The following ANKRD42 variants were observed in gnomAD, a reference collection of about 807,000 sequenced individuals.
ANKRD42 encodes ankyrin repeat domain 42.
ANKRD42 carries 43 observed loss-of-function variants against 51.5 expected under a neutral mutation model. The ratio of observed to expected loss-of-function variants is 0.83; its 90% confidence interval spans 0.65 to 1.08. ANKRD42 has a LOEUF of 1.08. ANKRD42 is among the 50% of genes least tolerant of loss of function. The pLI, the probability that ANKRD42 is intolerant of heterozygous loss-of-function variation, is 0.00. For synonymous variants in ANKRD42, 203 were observed against 213.0 expected (o/e 0.95, Z 0.41); for missense variants, 608 against 629.3 (o/e 0.97, Z 0.36).
intron 4 of ANKRD42, 117 bp from the exon 5 acceptor site, chr11:83,211,178 T>G: frequency 7.6e-7 from 1 of 1,319,104 alleles, no homozygotes; most frequent in Non-Finnish European, 1.1e-6. Context: ...CTATTAAGTG[T>G]TTGCCTTCTT....
At position 83,236,454 on chromosome 11, in the gene ANKRD42, G is replaced by T; in HGVS notation, c.964G>T (p.Ala322Ser). ...ECLQWLIKMG[A>S]DSNITNKAGE... Reference sequence around the variant, plus strand: ...TTTGCAGTGGTTAATTAAAATGGGAGCAGACAGTAATATTACCAACAAAGC... The same window carrying T: ...TTTGCAGTGGTTAATTAAAATGGGATCAGACAGTAATATTACCAACAAAGC... Residue 322 changes from alanine (A) to serine (S), a missense_variant, in exon 8 of 11, where the codon GCA (alanine) becomes TCA (serine). Physicochemically the swap from Ala to Ser is moderately conservative, Grantham distance 99 (BLOSUM62 1). Coordinates refer to ENST00000533342, the MANE Select transcript of ANKRD42 (RefSeq NM_001300975.2). 2 of 1,612,432 alleles carry T rather than the reference G, an allele frequency of 1.2e-6. No homozygotes were observed. Among genetic ancestry groups the T allele is most frequent in the Non-Finnish European group, 1.7e-6 (2 of 1,179,452 alleles).
exon 12 of ANKRD42, chr11:83,255,977 A>T: frequency 7.2e-7 from 1 of 1,397,278 alleles, no homozygotes; most frequent in Non-Finnish European, 9.6e-7. Context: ...TTTCTCTTTC[A>T]TTAAAAAAAT....
intron 5 of ANKRD42, among the ~76,000 whole-genome samples, chr11:83,223,866 C>T (rs749274451): frequency 2.0e-5 from 3 of 151,896 alleles, no homozygotes; most frequent in South Asian, 2.1e-4. Flanking sequence ...ATTTCCCAAG[C>T]GGTCATTTCT....
At chr11:83,249,015 T>A (rs1189217974), downstream of ANKRD42, 19 of 979,658 alleles carry the variant, frequency 1.9e-5, no homozygotes, top group Non-Finnish European at 2.2e-5. Flanking sequence ...GTACGATCTT[T>A]AGCACATGGG....
intron 5 of ANKRD42, chr11:83,212,974 C>A: frequency 6.3e-7 from 1 of 1,593,436 alleles, no homozygotes; most frequent in East Asian, 2.2e-5. Context: ...GCGCTGCCTA[C>A]GGAGGTGGCA....
intron 5 of ANKRD42, among the ~76,000 whole-genome samples, chr11:83,215,563 T>C (rs562547699): frequency 6.6e-6 from 1 of 152,344 alleles, no homozygotes; most frequent in South Asian, 2.1e-4. Context: ...GATTTTTCTC[T>C]GGTAGTATGT....
chr11:83,253,630 A>C (rs1002778916), downstream of ANKRD42, among the ~76,000 whole-genome samples: 1 of 152,212 alleles, frequency 6.6e-6, no homozygotes. Context: ...ATTATGATTC[A>C]TGTATTTAGT....
At chr11:83,262,885 A>G (rs896572241), downstream of ANKRD42, among the ~76,000 whole-genome samples, 1 of 152,178 alleles carries the variant, frequency 6.6e-6, no homozygotes, top group Non-Finnish European at 1.5e-5. Flanking sequence ...GGGCAATTAT[A>G]TATTCTCCCA....
chr11:83,227,387 A>G (rs1050172123), intron 6 of ANKRD42, among the ~76,000 whole-genome samples: 1 of 152,220 alleles, frequency 6.6e-6, no homozygotes, highest in African/African-American at 2.4e-5. Context: ...TGCTGGGATT[A>G]CAGGCGTGAG....
At chr11:83,209,304 C>T (rs1018012576) in intron 3 of ANKRD42, 1 of 750,128 alleles carries the variant, frequency 1.3e-6, no homozygotes, top group African/African-American at 1.7e-5. Flanking sequence ...AATGTTAAAA[C>T]ATTTTCTTGA....
chr11:83,211,457 G>C (rs1392688485), intron 5 of ANKRD42, 27 bp downstream of exon 5: 8 of 1,607,570 alleles, frequency 5.0e-6, no homozygotes, highest in Non-Finnish European at 6.8e-6. Flanking sequence ...AAATATTTTA[G>C]TTTTTCATTG....
intron 5 of ANKRD42, among the ~76,000 whole-genome samples, chr11:83,218,231 C>G (rs1028124500): frequency 1.3e-5 from 2 of 152,180 alleles, no homozygotes; most frequent in African/African-American, 4.8e-5. Flanking sequence ...CTCAACCCTT[C>G]TAAAATGCAA....
intron 3 of ANKRD42, among the ~76,000 whole-genome samples, chr11:83,208,225 T>C (rs1310865604): frequency 6.7e-6 from 1 of 149,580 alleles, no homozygotes; most frequent in African/African-American, 2.5e-5. Context: ...GAGGGGGGGG[T>C]CTCCCTATGT....
In ANKRD42 at chr11:83,227,392, C is replaced by T. The variant is rs113678757; in HGVS notation, c.788-355C>T. Among the ~76,000 whole-genome samples, 893 of 152,212 alleles carry T rather than the reference C, an allele frequency of 5.9e-3. 9 individuals carry two copies. The highest frequency in any genetic ancestry group is 0.021 in the African/African-American group (857 of 41,528). ...CCTCCCAAAGTGCTGGGATTACAGG[C>T]GTGAGCCACCATGCCCGGCTTCTAA... is the stretch of plus-strand genomic sequence containing the variant. On this transcript the variant is annotated intron_variant, in intron 6 of 10. Coordinates refer to ENST00000533342, the MANE Select transcript of ANKRD42 (RefSeq NM_001300975.2).
chr11:83,249,871 C>T (rs1863643732), downstream of ANKRD42, among the ~76,000 whole-genome samples: 1 of 152,108 alleles, frequency 6.6e-6, no homozygotes, highest in Admixed American at 6.5e-5. Context: ...TAATACCTAC[C>T]TCATGGAATT....
At chr11:83,229,262 C>T (rs905681906) in intron 7 of ANKRD42, among the ~76,000 whole-genome samples, 3 of 151,998 alleles carry the variant, frequency 2.0e-5, no homozygotes, top group African/African-American at 7.3e-5. Flanking sequence ...AGGGCCCACC[C>T]ATATCACCTT....
At chr11:83,232,532 T>C (rs1863104215) in intron 7 of ANKRD42, among the ~76,000 whole-genome samples, 1 of 152,192 alleles carries the variant, frequency 6.6e-6, no homozygotes. Flanking sequence ...GATTATATAA[T>C]TTGTAAACTA....
In ANKRD42 at chr11:83,255,842, T is replaced by C. The variant is rs932788558; in HGVS notation, c.1465-3T>C. On this transcript the variant is annotated splice_region_variant and splice_polypyrimidine_tract_variant and intron_variant, in intron 11 of 11. Transcript: ENST00000260047. The stretch of plus-strand genomic sequence containing the variant: ...ATTTGACCCTCTTTTCCTTTGCTTA[T>C]AGGAAGACAGCGCTTCTTGTGAGTC... 3.3e-6 allele frequency: 5 copies of C among 1,525,764 alleles called. No homozygotes were observed. The African/African-American group carries it at 6.9e-5, about 21-fold the overall frequency. 94.5% of individuals were successfully genotyped at this position (1,525,764 alleles called of 1,614,324 possible).
At chr11:83,195,354 T>C (rs1861602033) in intron 1 of ANKRD42, among the ~76,000 whole-genome samples, 1 of 152,178 alleles carries the variant, frequency 6.6e-6, no homozygotes, top group South Asian at 2.1e-4. Context: ...GAGCAAATAA[T>C]GACAAGTGAG....
Sources: gnomAD v4.1 joint callset for allele counts (sites outside exome capture counted in the v4.1 genomes callset) on GRCh38, gnomAD v4.1.1 for gene constraint, MANE v1.5 for transcripts, NCBI Gene and HGNC (gene_info 2026-07-23, HGNC 2026-07-21) for gene names.